YME1L1: variants seen among roughly 807,000 people sequenced by gnomAD.
YME1L1 encodes the protein ATP-dependent zinc metalloprotease YME1L1.
Under a neutral mutation model 90.4 loss-of-function variants are expected in YME1L1, and 39 were observed. The ratio of observed to expected loss-of-function variants is 0.43; its 90% CI spans 0.33 to 0.56. YME1L1 has a LOEUF of 0.56. YME1L1 is among the 20% of genes least tolerant of loss of function. The pLI is 0.03. For synonymous variants in YME1L1, 284 were observed against 287.3 expected (o/e 0.99, Z 0.12); for missense variants, 617 against 868.4 (o/e 0.71, Z 3.64).
chr10:27,134,736 G>C (rs1052657686), intron 6 of YME1L1, 95 bp downstream of exon 6: 2 of 1,244,866 alleles, frequency 1.6e-6, no homozygotes, highest in Non-Finnish European at 2.3e-6. Flanking sequence ...TTAATCAATA[G>C]ATGGTCTTAG....
At chr10:27,138,712 G>T (rs2057054399) in intron 4 of YME1L1, among the ~76,000 whole-genome samples, 1 of 151,682 alleles carries the variant, frequency 6.6e-6, no homozygotes, top group South Asian at 2.1e-4. Flanking sequence ...TGAATTTTCT[G>T]GTAAACAATC....
intron 6 of YME1L1, 108 bp downstream of exon 6, chr10:27,134,723 A>C (rs2057009338): frequency 8.9e-7 from 1 of 1,120,532 alleles, no homozygotes; most frequent in African/African-American, 1.6e-5. Context: ...AATATAGTGG[A>C]ATTTAATCAA....
chr10:27,122,605 A>C (rs777638978), intron 11 of YME1L1, among the ~76,000 whole-genome samples: 1 of 152,238 alleles, frequency 6.6e-6, no homozygotes, highest in African/African-American at 2.4e-5. Flanking sequence ...CCATAAATTA[A>C]ATAAGATGAG....
chr10:27,123,051 C>G, intron 10 of YME1L1, 78 bp from the exon 11 acceptor site: 1 of 1,512,358 alleles, frequency 6.6e-7, no homozygotes, highest in African/African-American at 1.4e-5. Context: ...TATTAAAATC[C>G]TATACAACTG....
chr10:27,136,237 A>G (rs919595230), intron 5 of YME1L1, 39 bp downstream of exon 5: 15 of 1,545,882 alleles, frequency 9.7e-6, no homozygotes, highest in Non-Finnish European at 1.3e-5. Context: ...TAACAACTTG[A>G]AAATATTTGC....
In YME1L1 at chr10:27,116,273, T is replaced by A; in HGVS notation, c.1792A>T (p.Met598Leu). 1.9e-6 allele frequency: 3 copies of A among 1,614,196 alleles called. No homozygotes were observed. The highest frequency in any genetic ancestry group is 2.5e-6 in the Non-Finnish European group (3 of 1,180,030). The change falls in exon 16 of 19, where the codon ATG becomes TTG. Residue 598 changes from methionine (M) to leucine (L), a missense_variant. Physicochemically the swap from Met to Leu is conservative, Grantham distance 15. This residue lies in a region of YME1L1 where 212 missense variants were observed against 330.0 expected (regional missense o/e 0.64). Transcript: ENST00000376016. ...AGCTCCTCTGCCACTCTTCCTCCCA[T>A]ACTAACATCCATTTGTGCAAGCAGC... ...AQLLAQMDVS[M>L]GGRVAEELIF...
chr10:27,154,084 G>A, intron 1 of YME1L1, 94 bp downstream of exon 1: 2 of 1,465,064 alleles, frequency 1.4e-6, no homozygotes, highest in Non-Finnish European at 9.4e-7. Flanking sequence ...TTCATTTCTA[G>A]AGTCCCTTCT....
Position 27,145,735 on chromosome 10 carries a change from C to T in YME1L1, c.169-145G>A, listed in dbSNP as rs1366155565. The T allele has an allele frequency of 8.4e-6, 6 of 714,558 alleles. No homozygotes were observed. In the African/African-American group the frequency reaches 1.1e-4, roughly 13 times the overall value. The allele number at this position is 714,558 out of a possible 1,614,324, so 44.3% of individuals were successfully genotyped here. On this transcript the variant is annotated intron_variant, in intron 2 of 18. Coordinates refer to ENST00000376016, the MANE Select transcript of YME1L1 (RefSeq NM_014263.4). ...TTTAATATTTAAAAATAAATTGATG[C>T]AAATATTTTCACAGTTCGTTTTACT...
intron 3 of YME1L1, among the ~76,000 whole-genome samples, chr10:27,143,797 CA>C (rs911397706): frequency 6.6e-6 from 1 of 151,244 alleles, no homozygotes; most frequent in African/African-American, 2.4e-5. Context: ...GAGACAATTT[CA>C]AAAGCTCTAA....
chr10:27,152,236 A>G (rs969845483), intron 1 of YME1L1, among the ~76,000 whole-genome samples: 5 of 152,208 alleles, frequency 3.3e-5, no homozygotes, highest in African/African-American at 1.2e-4. Context: ...AATTAGTTAT[A>G]TCTCTTTTAT....
At chr10:27,116,473 C>T (rs752738513) in intron 15 of YME1L1, 128 bp from the exon 16 acceptor site, 385 of 939,298 alleles carry the variant, frequency 4.1e-4, no homozygotes, top group Middle Eastern at 6.7e-4. Context: ...TCGAGACCAG[C>T]CTGACCAACA....
rs528323362 is a variant in YME1L1, at chr10:27,152,990, T to G, written c.33+1188A>C. Among the ~76,000 whole-genome samples the G allele has an allele frequency of 6.5e-4, 99 of 152,340 alleles. 1 individual carries two copies. The highest frequency in any genetic ancestry group is 2.2e-3 in the African/African-American group (92 of 41,582). On this transcript the variant is annotated intron_variant, in intron 1 of 18. Transcript: ENST00000376016. ...CATAATATATCCTTTACTCCCTGTA[T>G]GATCTGCCTCAAGTCTTTTCTCCAA...
chr10:27,149,370 A>T (rs1377003349), intron 1 of YME1L1, among the ~76,000 whole-genome samples: 3 of 152,194 alleles, frequency 2.0e-5, no homozygotes, highest in Non-Finnish European at 4.4e-5. Context: ...CATTTAAAAA[A>T]TAGTAGAAAG....
At chr10:27,130,325 G>A (rs145805569) in intron 8 of YME1L1, among the ~76,000 whole-genome samples, 363 of 151,990 alleles carry the variant, frequency 2.4e-3, no homozygotes, top group Non-Finnish European at 4.4e-3. Context: ...TCTGTAACTC[G>A]GTATTTAAAT....
intron 2 of YME1L1, 45 bp from the exon 3 acceptor site, chr10:27,145,635 A>G (rs761438913): frequency 6.6e-7 from 1 of 1,510,128 alleles, no homozygotes; most frequent in Non-Finnish European, 9.0e-7. Context: ...TATTATCAAG[A>G]TATTTAACCT....
chr10:27,145,465 G>A lies in YME1L1; in HGVS notation c.294C>T (p.Ser98=). 1 of 1,612,942 alleles carries A rather than the reference G, an allele frequency of 6.2e-7. No homozygotes were observed. Among genetic ancestry groups the A allele is most frequent in the Non-Finnish European group, 8.5e-7 (1 of 1,179,274 alleles). ...CAAAGAAGGATTGTGCAGAGACATG[G>A]GATGTATGCCAATGGGAAGAAATGT... ...GKNISSHWHT[S]HVSAQSFFEN... The change falls in exon 3 of 19, where the codon TCC becomes TCT. Residue 98 remains serine (S), a synonymous_variant. Transcript: ENST00000376016.
At chr10:27,147,775 G>A (rs2057161872) in intron 2 of YME1L1, 1 of 1,461,698 alleles carries the variant, frequency 6.8e-7, no homozygotes, top group African/African-American at 1.4e-5. Flanking sequence ...CAATTGTGCA[G>A]TTTCACCAAA....
At chr10:27,133,511 A>C (rs2056997014) in intron 7 of YME1L1, among the ~76,000 whole-genome samples, 2 of 152,234 alleles carry the variant, frequency 1.3e-5, no homozygotes, top group Non-Finnish European at 2.9e-5. Context: ...AATTTAAAAT[A>C]GTAATTCTAG....
Position 27,111,807 on chromosome 10 carries a change from TAATGAG to T in YME1L1, c.*164_*169del, listed in dbSNP as rs2056761516. 1.2e-6 allele frequency: 1 copy of T among 856,552 alleles called. No homozygotes were observed. The highest frequency in any genetic ancestry group is 1.7e-5 in the African/African-American group (1 of 60,234). The allele number at this position is 856,552 out of a possible 1,614,324, so 53.1% of individuals were successfully genotyped here. A position where few individuals can be genotyped will look rare whatever the true frequency, so the allele number is the denominator to read the frequency against. ...GGATGCTAATTTGCAATAGGTGTCA[TAATGAG>T]AATAACCCAAACTGGATAAATGTGA... On this transcript the variant is annotated 3_prime_UTR_variant, in exon 19 of 19. Coordinates refer to ENST00000376016, the MANE Select transcript of YME1L1 (RefSeq NM_014263.4).
Sources: gnomAD v4.1 joint callset for allele counts (sites outside exome capture counted in the v4.1 genomes callset) on GRCh38, gnomAD v4.1.1 for gene constraint, gnomAD v4.1.1 regional missense constraint, MANE v1.5 for transcripts, NCBI Gene and HGNC (gene_info 2026-07-23, HGNC 2026-07-21) for gene names.